Variants in NELL1 observed in about 807,000 individuals in gnomAD.
NELL1 encodes the protein protein kinase C-binding protein NELL1.
Under a neutral mutation model 107.4 loss-of-function variants are expected in NELL1, and 76 were observed. The ratio of observed to expected loss-of-function variants is 0.71; its 90% CI spans 0.59 to 0.86. The LOEUF (loss-of-function observed/expected upper bound fraction) is 0.86, where lower values mean the gene tolerates loss of function less well. Ranked by LOEUF, NELL1 falls within the 40% of genes least tolerant of loss-of-function variation. The pLI, the probability that NELL1 is intolerant of heterozygous loss-of-function variation, is 0.00. For synonymous variants in NELL1, 353 were observed against 341.2 expected (o/e 1.03, Z -0.38); for missense variants, 1,024 against 1,005.5 (o/e 1.02, Z -0.25).
At chr11:20,713,756 CAT>C (rs1274677563) in intron 2 of NELL1, among the ~76,000 whole-genome samples, 1 of 152,198 alleles carries the variant, frequency 6.6e-6, no homozygotes, top group African/African-American at 2.4e-5. Context: ...CAGTTCTACT[CAT>C]TGCCTTCTTT....
Position 21,023,084 on chromosome 11 carries a change from T to C in NELL1, c.1300+62524T>C, listed in dbSNP as rs79613470. 3.0e-3 allele frequency among the ~76,000 whole-genome samples: 461 copies of C among 152,068 alleles called. 3 individuals are homozygous for C. The highest frequency in any genetic ancestry group is 0.01 in the African/African-American group (430 of 41,508). On this transcript the variant is annotated intron_variant, in intron 12 of 19. Transcript: ENST00000357134. ...TGAAATTTTCTAACCCAAAGCTTAA[T>C]AGGGTATTTCAAATTTATAGGGAAA... is the stretch of plus-strand genomic sequence containing the variant.
intron 12 of NELL1, among the ~76,000 whole-genome samples, chr11:21,048,274 CT>C (rs966864129): frequency 1.3e-5 from 2 of 152,030 alleles, no homozygotes; most frequent in Non-Finnish European, 2.9e-5. Flanking sequence ...TTATTGTACA[CT>C]TTTTGATCTA....
intron 15 of NELL1, among the ~76,000 whole-genome samples, chr11:21,493,810 T>C (rs75799736): frequency 6.6e-6 from 1 of 152,002 alleles, no homozygotes; most frequent in African/African-American, 2.4e-5. Flanking sequence ...ACCACAAATA[T>C]TCTAACTTGA....
chr11:21,086,454 G>A (rs1289461472), intron 12 of NELL1, among the ~76,000 whole-genome samples: 1 of 152,128 alleles, frequency 6.6e-6, no homozygotes, highest in Non-Finnish European at 1.5e-5. Flanking sequence ...ATTGGTAGAA[G>A]TCTTTTCAGG....
At chr11:21,332,554 A>T (rs1850295965) in intron 14 of NELL1, among the ~76,000 whole-genome samples, 1 of 152,094 alleles carries the variant, frequency 6.6e-6, no homozygotes, top group African/African-American at 2.4e-5. Flanking sequence ...TTATACAATT[A>T]TGATTGCTTA....
intron 15 of NELL1, among the ~76,000 whole-genome samples, chr11:21,404,362 C>A (rs1852183229): frequency 6.6e-6 from 1 of 151,824 alleles, no homozygotes; most frequent in African/African-American, 2.4e-5. Context: ...AATTTAGGGG[C>A]AGACTAATAC....
At chr11:21,337,816 CCTTCTTTCTTTCTTTCTTTCT>C (rs1850459877) in intron 14 of NELL1, among the ~76,000 whole-genome samples, 3 of 34,332 alleles carry the variant, frequency 8.7e-5, no homozygotes, top group Non-Finnish European at 1.2e-4. Context: ...TTCTTGCTTT[CCTTCTTTCTTTCTTTCTTTCT>C]TTTCTTTCTT....
chr11:21,029,104 T>G (rs897171871), intron 12 of NELL1, among the ~76,000 whole-genome samples: 1 of 152,124 alleles, frequency 6.6e-6, no homozygotes, highest in Non-Finnish European at 1.5e-5. Context: ...TTTTGCTTCT[T>G]TGTAACCGTC....
intron 3 of NELL1, among the ~76,000 whole-genome samples, chr11:20,844,203 G>T (rs1249244805): frequency 6.6e-6 from 1 of 152,126 alleles, no homozygotes; most frequent in Non-Finnish European, 1.5e-5. Context: ...CCTAGCGCAT[G>T]GTGACCAACA....
intron 3 of NELL1, among the ~76,000 whole-genome samples, chr11:20,836,707 T>C: frequency 6.6e-6 from 1 of 152,104 alleles, no homozygotes; most frequent in East Asian, 1.9e-4. Context: ...GGCTGAATAC[T>C]GTATCATTCC....
intron 13 of NELL1, among the ~76,000 whole-genome samples, chr11:21,117,758 A>G (rs1037416925): frequency 1.4e-4 from 21 of 151,976 alleles, no homozygotes; most frequent in South Asian, 4.1e-4. Context: ...AATGGTCACT[A>G]TAGTGAACAT....
At chr11:21,445,314 G>T (rs1380467932) in intron 15 of NELL1, among the ~76,000 whole-genome samples, 2 of 137,830 alleles carry the variant, frequency 1.5e-5, no homozygotes, top group Non-Finnish European at 3.2e-5. Context: ...TTTTGTTCTT[G>T]TTTTTGTTTT....
At chr11:20,909,325 T>TA (rs1049309060) in intron 5 of NELL1, among the ~76,000 whole-genome samples, 3 of 152,232 alleles carry the variant, frequency 2.0e-5, no homozygotes, top group East Asian at 1.9e-4. Context: ...TGGAAAATTT[T>TA]AAAAAAACAA....
At chr11:20,687,894 T>A (rs1792996) in intron 2 of NELL1, among the ~76,000 whole-genome samples, 31,599 of 151,934 alleles carry the variant, frequency 0.21, 3,592 homozygotes, top group African/African-American at 0.27. Context: ...TGCCTGGCCT[T>A]CTCTAACTAA....
At chr11:20,825,534 G>A (rs748203991) in intron 3 of NELL1, among the ~76,000 whole-genome samples, 12 of 151,338 alleles carry the variant, frequency 7.9e-5, no homozygotes, top group Non-Finnish European at 1.3e-4. Flanking sequence ...TTATTTTGGA[G>A]CTTTAAGATT....
At chr11:20,860,476 A>G (rs1848959204) in intron 4 of NELL1, among the ~76,000 whole-genome samples, 1 of 152,082 alleles carries the variant, frequency 6.6e-6, no homozygotes, top group Admixed American at 6.5e-5. Context: ...GTGAATTGTT[A>G]TTTCTTTGCC....
intron 14 of NELL1, among the ~76,000 whole-genome samples, chr11:21,350,918 C>T (rs1026749486): frequency 5.3e-5 from 8 of 152,112 alleles, no homozygotes; most frequent in Non-Finnish European, 1.0e-4. Flanking sequence ...TACTTATTAA[C>T]GTGACCTTAT....
chr11:21,195,969 C>T (rs753227194), intron 13 of NELL1, among the ~76,000 whole-genome samples: 8 of 152,180 alleles, frequency 5.3e-5, no homozygotes, highest in Non-Finnish European at 1.2e-4. Context: ...TCCTGAAGAA[C>T]GAAGTCATGT....
At chr11:20,750,942 A>T (rs545623851) in intron 2 of NELL1, among the ~76,000 whole-genome samples, 1 of 152,226 alleles carries the variant, frequency 6.6e-6, no homozygotes, top group Admixed American at 6.5e-5. Context: ...AGCTTTTAAA[A>T]CACAGCTCCC....
Sources: gnomAD v4.1 joint callset for allele counts (sites outside exome capture counted in the v4.1 genomes callset) on GRCh38, gnomAD v4.1.1 for gene constraint, MANE v1.5 for transcripts, NCBI Gene and HGNC (gene_info 2026-07-23, HGNC 2026-07-21) for gene names.